Variants in PAMR1 observed in about 807,000 individuals in gnomAD.
PAMR1 encodes peptidase domain containing associated with muscle regeneration 1, also known as inactive serine protease PAMR1.
In PAMR1, 88 loss-of-function variants were observed where a neutral mutation model predicts 81.8. That is an observed-to-expected ratio of 1.08 (90% confidence interval 0.91 to 1.28). The LOEUF is 1.28. PAMR1 is among the 50% of genes most tolerant of loss of function. The pLI is 0.00. For missense variants in PAMR1, 935 were observed against 919.7 expected (o/e 1.02, Z -0.21); for synonymous variants, 336 against 345.3 (o/e 0.97, Z 0.30).
At chr11:35,516,896 G>A (rs1490433899) in intron 1 of PAMR1, among the ~76,000 whole-genome samples, 1 of 152,122 alleles carries the variant, frequency 6.6e-6, no homozygotes, top group Admixed American at 6.6e-5. Context: ...CAATGCAGGG[G>A]GCAGCTCAAA....
intron 9 of PAMR1, 76 bp from the exon 10 acceptor site, chr11:35,434,880 G>C: frequency 5.6e-6 from 8 of 1,434,944 alleles, no homozygotes; most frequent in Non-Finnish European, 7.7e-6. Flanking sequence ...CTTAACCAGA[G>C]AGCACAAATC....
intron 1 of PAMR1, chr11:35,513,242 C>G (rs1851104982): frequency 6.6e-6 from 1 of 152,154 alleles, no homozygotes; most frequent in Non-Finnish European, 1.5e-5. Context: ...TTCTATATAC[C>G]AGACACAGTT....
At chr11:35,492,650 T>C (rs1850652557) in intron 2 of PAMR1, among the ~76,000 whole-genome samples, 1 of 152,218 alleles carries the variant, frequency 6.6e-6, no homozygotes, top group Non-Finnish European at 1.5e-5. Flanking sequence ...ATTGTTTTTG[T>C]AACTTACTTT....
At chr11:35,470,547 G>T in intron 5 of PAMR1, 54 bp downstream of exon 5, 1 of 1,309,700 alleles carries the variant, frequency 7.6e-7, no homozygotes, top group Non-Finnish European at 1.1e-6. Context: ...ATGGAAAGGA[G>T]ATATTTATCT....
intron 1 of PAMR1, among the ~76,000 whole-genome samples, chr11:35,521,423 T>C (rs1415992203): frequency 6.6e-6 from 1 of 152,108 alleles, no homozygotes; most frequent in African/African-American, 2.4e-5. Flanking sequence ...CTTCAAATGC[T>C]AGTAAGGATT....
At chr11:35,487,119 C>T (rs1850525270) in intron 3 of PAMR1, among the ~76,000 whole-genome samples, 1 of 151,954 alleles carries the variant, frequency 6.6e-6, no homozygotes, top group South Asian at 2.1e-4. Flanking sequence ...GCACAACCAG[C>T]CCAGGTCAGC....
At chr11:35,434,983 G>A (rs1457303609) in intron 9 of PAMR1, among the ~76,000 whole-genome samples, 179 bp from the exon 10 acceptor site, 2 of 152,126 alleles carry the variant, frequency 1.3e-5, no homozygotes, top group African/African-American at 2.4e-5. Flanking sequence ...CCCTGACATG[G>A]CTGGCTATAA....
At chr11:35,487,785 C>T (rs377273212) in intron 3 of PAMR1, among the ~76,000 whole-genome samples, 5 of 152,206 alleles carry the variant, frequency 3.3e-5, no homozygotes, top group South Asian at 2.1e-4. Flanking sequence ...GGTCTGGAAT[C>T]GTCCTGGGCT....
chr11:35,434,376 G>T, intron 10 of PAMR1, 136 bp downstream of exon 10: 1 of 733,284 alleles, frequency 1.4e-6, no homozygotes, highest in East Asian at 2.6e-5. Flanking sequence ...ATGAAATAAT[G>T]AACGCTGCTA....
At chr11:35,440,205 G>A (rs1014470517) in intron 7 of PAMR1, among the ~76,000 whole-genome samples, 3 of 152,116 alleles carry the variant, frequency 2.0e-5, no homozygotes, top group African/African-American at 4.8e-5. Flanking sequence ...GTTTAATTTT[G>A]TTGAAGTCTC....
chr11:35,435,777 A>AT, intron 9 of PAMR1, 126 bp downstream of exon 9: 5 of 685,824 alleles, frequency 7.3e-6, no homozygotes, highest in Non-Finnish European at 1.3e-5. Context: ...TAACTATGGA[A>AT]TTTCAGATAT....
intron 6 of PAMR1, among the ~76,000 whole-genome samples, chr11:35,466,179 T>A (rs956472092): frequency 9.2e-5 from 14 of 152,176 alleles, no homozygotes; most frequent in African/African-American, 3.1e-4. Context: ...TTGTCAAGAA[T>A]CTAGAATCGC....
chr11:35,507,123 T>C (rs1255309622), intron 1 of PAMR1, among the ~76,000 whole-genome samples: 1 of 139,464 alleles, frequency 7.2e-6, no homozygotes, highest in Middle Eastern at 3.7e-3. Flanking sequence ...CTCAGCTCAC[T>C]GCAACCTCTG....
At chr11:35,515,379 T>A (rs1750857059) in intron 1 of PAMR1, among the ~76,000 whole-genome samples, 1 of 152,230 alleles carries the variant, frequency 6.6e-6, no homozygotes, top group South Asian at 2.1e-4. Context: ...TAGAAATATG[T>A]TGAGCCAGGG....
intron 6 of PAMR1, among the ~76,000 whole-genome samples, chr11:35,448,554 A>T (rs1856343999): frequency 6.6e-6 from 1 of 152,068 alleles, no homozygotes; most frequent in African/African-American, 2.4e-5. Flanking sequence ...TTTTATCATG[A>T]TTCTTAGCTT....
intron 3 of PAMR1, among the ~76,000 whole-genome samples, chr11:35,486,702 C>G (rs1850516356): frequency 6.6e-6 from 1 of 152,202 alleles, no homozygotes; most frequent in Non-Finnish European, 1.5e-5. Context: ...AAGACACATG[C>G]TCAGGATTTC....
chr11:35,504,426 T>C (rs751827179), intron 1 of PAMR1, among the ~76,000 whole-genome samples: 29 of 152,272 alleles, frequency 1.9e-4, no homozygotes, highest in Middle Eastern at 3.4e-3. Flanking sequence ...CTCTTCAATT[T>C]TTTTGGTAGA....
At chr11:35,463,606 C>T (rs751237265) in intron 6 of PAMR1, among the ~76,000 whole-genome samples, 4 of 152,196 alleles carry the variant, frequency 2.6e-5, no homozygotes, top group Admixed American at 6.5e-5. Flanking sequence ...GTTTCCTACA[C>T]GGTGGCCCAA....
chr11:35,453,254 A>C (rs1856456894), intron 6 of PAMR1: 1 of 152,076 alleles, frequency 6.6e-6, no homozygotes, highest in Non-Finnish European at 1.5e-5. Context: ...CTTAAAGAAA[A>C]CCCCACAGGG....
Sources: gnomAD v4.1 joint callset for allele counts (sites outside exome capture counted in the v4.1 genomes callset) on GRCh38, gnomAD v4.1.1 for gene constraint, MANE v1.5 for transcripts, NCBI Gene and HGNC (gene_info 2026-07-23, HGNC 2026-07-21) for gene names.